Variants in STIM1 observed in about 807,000 individuals in gnomAD.
STIM1 encodes the protein stromal interaction molecule 1.
STIM1 carries 25 observed loss-of-function variants against 74.7 expected under a neutral mutation model. The observed-to-expected ratio is 0.33, with a 90% CI of 0.24 to 0.47. STIM1 has a LOEUF of 0.47. Among genes scored for constraint, STIM1 ranks in the 20% least tolerant of loss-of-function variants. STIM1 has a pLI of 1.00. For synonymous variants in STIM1, 328 were observed against 348.8 expected, an observed-to-expected ratio of 0.94 and a Z score of 0.66; for missense variants, 728 against 920.8, an observed-to-expected ratio of 0.79 and a Z score of 2.71.
intron 2 of STIM1, among the ~76,000 whole-genome samples, chr11:4,008,530 T>C (rs1405624320): frequency 6.6e-6 from 1 of 152,168 alleles, no homozygotes. Flanking sequence ...TATATACATT[T>C]AAGAAAGATT....
At chr11:3,993,510 G>A (rs962634334) in intron 2 of STIM1, among the ~76,000 whole-genome samples, 2 of 152,086 alleles carry the variant, frequency 1.3e-5, no homozygotes, top group Non-Finnish European at 2.9e-5. Context: ...TACAAAATTA[G>A]CCGGGCGTGG....
At chr11:3,928,530 A>C (rs1278445526) in intron 1 of STIM1, among the ~76,000 whole-genome samples, 1 of 151,916 alleles carries the variant, frequency 6.6e-6, no homozygotes, top group East Asian at 1.9e-4. Flanking sequence ...CTCGGCTGCT[A>C]TTCTGTTTTT....
chr11:3,892,468 C>A lies in STIM1; in HGVS notation c.139+36059C>A. 2.0e-6 allele frequency: 3 copies of A among 1,507,628 alleles called. No homozygotes were observed. In the South Asian group the frequency reaches 3.4e-5, roughly 17 times the overall value. 93.4% of individuals were successfully genotyped at this position (1,507,628 alleles called of 1,614,324 possible). ...TCCTGGACCCAAAGTGCTCTATGGC[C>A]TCCACAATATTCATGCCTTCTTTCG... On this transcript the variant is annotated intron_variant, in intron 1 of 12. Transcript: ENST00000526596.
At chr11:3,866,237 C>T (rs2090852451) in intron 1 of STIM1, among the ~76,000 whole-genome samples, 2 of 152,110 alleles carry the variant, frequency 1.3e-5, no homozygotes, top group African/African-American at 4.8e-5. Flanking sequence ...TGTCATTTAA[C>T]TTCCTTCAGA....
At chr11:4,086,998 A>G (rs1486165898) in intron 12 of STIM1, 19 of 1,297,736 alleles carry the variant, frequency 1.5e-5, no homozygotes, top group Non-Finnish European at 1.7e-5. Context: ...GTTTGTTCCC[A>G]GCTCTGGGAT....
chr11:4,011,297 G>C (rs914359328), intron 2 of STIM1, among the ~76,000 whole-genome samples: 3 of 152,152 alleles, frequency 2.0e-5, no homozygotes, highest in African/African-American at 7.2e-5. Flanking sequence ...TCACCACACT[G>C]TCTTCCACAA....
chr11:4,047,392 G>A (rs895715055), intron 3 of STIM1, among the ~76,000 whole-genome samples: 11 of 152,080 alleles, frequency 7.2e-5, no homozygotes, highest in African/African-American at 1.2e-4. Flanking sequence ...AAGGTGGGAG[G>A]ATCACTTGAG....
intron 4 of STIM1, chr11:4,059,063 G>C: frequency 1.2e-6 from 1 of 837,486 alleles, no homozygotes; most frequent in Non-Finnish European, 1.7e-6. Flanking sequence ...TTAGAAGTTG[G>C]TGGATATGGG....
rs560826080 is a variant in STIM1, at chr11:3,892,270, A to G, written c.139+35861A>G. 210 of 662,728 alleles carry G rather than the reference A, an allele frequency of 3.2e-4. 3 individuals are homozygous for G. In the South Asian group the frequency reaches 3.7e-3, roughly 12 times the overall value. 41.1% of individuals were successfully genotyped at this position (662,728 alleles called of 1,614,324 possible). On this transcript the variant is annotated intron_variant, in intron 1 of 12. Coordinates refer to ENST00000526596, the MANE Select transcript of STIM1 (RefSeq NM_001382567.1). The stretch of plus-strand genomic sequence containing the variant: ...GAAAACAGAGAAAACATGGAGCCCA[A>G]AGGGAACTGCAGCAAGAGCACAAAG...
At position 3,996,846 on chromosome 11, in the gene STIM1, G is replaced by A. The variant is rs943746929; in HGVS notation, c.271-27027G>A. Among the ~76,000 whole-genome samples, 12 of 152,122 alleles carry A rather than the reference G, an allele frequency of 7.9e-5. 2 individuals carry two copies. Among genetic ancestry groups the A allele is most frequent in the Admixed American group, 7.2e-4 (11 of 15,260 alleles). On this transcript the variant is annotated intron_variant, in intron 2 of 12. Transcript: ENST00000526596. ...AAGTCCCTTCTAACCCATCAATTTT[G>A]TAACTGTTCTTTCTCATAGTGCATT...
chr11:4,091,793 A>T lies in STIM1; in HGVS notation c.2146A>T (p.Lys716Ter). ...CAAAATCTTTAAGAAGCCTCTTAAG[A>T]AGTAGGCAGGATGGGGTGGCAGTAA... ...PLKIFKKPLKK is the reference protein window; with the variant it reads ...PLKIFKKPLK The change falls in exon 13 of 13, where the codon AAG becomes TAG. Residue 716 changes from lysine (K) to a stop codon, truncating the protein, a stop_gained. Coordinates refer to ENST00000526596, the MANE Select transcript of STIM1 (RefSeq NM_001382567.1). LOFTEE classifies it high-confidence loss of function. 2 of 1,603,464 alleles carry T rather than the reference A, an allele frequency of 1.2e-6. No homozygotes were observed. Among genetic ancestry groups the T allele is most frequent in the East Asian group, 2.2e-5 (1 of 44,870 alleles).
rs141623520 is a variant in STIM1, at chr11:3,941,673, T to TATATATAG, written c.140-25878_140-25877insTATATAGA. On this transcript the variant is annotated intron_variant, in intron 1 of 12. Transcript: ENST00000526596. ...GTATACATATATATATATATATATA[T>TATATATAG]AGAGAGAGAGAGAGAGAGAGAGAGT... Among the ~76,000 whole-genome samples, 157 of 90,726 alleles carry TATATATAG rather than the reference T, an allele frequency of 1.7e-3. 1 individual carries two copies. The highest frequency in any genetic ancestry group is 5.2e-3 in the African/African-American group (142 of 27,112). The allele number at this position is 90,726 out of a possible 152,430, so 59.5% of individuals were successfully genotyped here.
intron 2 of STIM1, among the ~76,000 whole-genome samples, chr11:3,978,306 G>A (rs1370564244): frequency 6.6e-5 from 10 of 151,364 alleles, no homozygotes; most frequent in Admixed American, 5.3e-4. Flanking sequence ...GCACCACCAC[G>A]CCTGGCTAAT....
chr11:3,867,988 C>G (rs186041538), intron 1 of STIM1: 1 of 152,218 alleles, frequency 6.6e-6, no homozygotes, highest in Admixed American at 6.5e-5. Context: ...TCAGAACTCT[C>G]GTCACTACAG....
At chr11:3,881,967 C>T (rs1227328911) in intron 1 of STIM1, among the ~76,000 whole-genome samples, 2 of 151,028 alleles carry the variant, frequency 1.3e-5, no homozygotes, top group East Asian at 2.0e-4. Flanking sequence ...CCACGGCGCC[C>T]GGCCTTGATC....
chr11:3,988,979 T>A (rs1318711142), intron 2 of STIM1, among the ~76,000 whole-genome samples: 1 of 152,222 alleles, frequency 6.6e-6, no homozygotes, highest in East Asian at 1.9e-4. Flanking sequence ...GCGAATGATT[T>A]CACCTCTTAA....
intron 3 of STIM1, among the ~76,000 whole-genome samples, chr11:4,052,972 A>G (rs550724796): frequency 3.9e-5 from 6 of 152,260 alleles, no homozygotes; most frequent in Admixed American, 2.0e-4. Flanking sequence ...CAACAGACAC[A>G]TGGAAAAATG....
At chr11:3,930,157 A>C (rs1404684248) in intron 1 of STIM1, among the ~76,000 whole-genome samples, 1 of 152,174 alleles carries the variant, frequency 6.6e-6, no homozygotes, top group Non-Finnish European at 1.5e-5. Context: ...ATGGGATTGA[A>C]AAAAAACCCA....
chr11:3,930,861 A>G (rs2092851137), intron 1 of STIM1, among the ~76,000 whole-genome samples: 2 of 152,218 alleles, frequency 1.3e-5, no homozygotes, highest in Non-Finnish European at 2.9e-5. Context: ...CATTTACTCC[A>G]GAATCATTTT....
Sources: gnomAD v4.1 joint callset for allele counts (sites outside exome capture counted in the v4.1 genomes callset) on GRCh38, gnomAD v4.1.1 for gene constraint, MANE v1.5 for transcripts, NCBI Gene and HGNC (gene_info 2026-07-23, HGNC 2026-07-21) for gene names.